The following PRIM2 variants were observed in gnomAD, a reference collection of about 807,000 sequenced individuals.
The protein encoded by PRIM2 is DNA primase subunit 2.
In PRIM2, 39 loss-of-function variants were observed where a neutral mutation model predicts 67.3. The ratio of observed to expected loss-of-function variants is 0.58; its 90% CI spans 0.45 to 0.76. The LOEUF (loss-of-function observed/expected upper bound fraction) is 0.76, where lower values mean the gene tolerates loss of function less well. PRIM2 is among the 30% of genes least tolerant of loss of function. The pLI, the probability that PRIM2 is intolerant of heterozygous loss-of-function variation, is 0.00. For missense variants in PRIM2, 398 were observed against 598.7 expected (o/e 0.66, Z 3.50); for synonymous variants, 143 against 198.7 (o/e 0.72, Z 2.36).
intron 7 of PRIM2, among the ~76,000 whole-genome samples, chr6:57,432,496 C>G (rs1771871160): frequency 6.6e-6 from 1 of 152,066 alleles, no homozygotes; most frequent in African/African-American, 2.4e-5. Context: ...AAAAGAAAAT[C>G]TGTTTGCCTT....
chr6:57,398,635 G>A (rs11752072), intron 7 of PRIM2, among the ~76,000 whole-genome samples: 1 of 152,186 alleles, frequency 6.6e-6, no homozygotes, highest in Admixed American at 6.5e-5. Context: ...GTTTTGGATG[G>A]AGAGTTCTGT....
At chr6:57,248,626 A>C in the PRIM2 span, among the ~76,000 whole-genome samples, 1 of 152,210 alleles carries the variant, frequency 6.6e-6, no homozygotes, top group African/African-American at 2.4e-5. Flanking sequence ...GTAGTGGCCC[A>C]CTACCAGTCT....
At position 57,330,359 on chromosome 6, in the gene PRIM2, T is replaced by G. The variant is rs1367135087; in HGVS notation, c.459+4314T>G. The stretch of plus-strand genomic sequence containing the variant: ...ACCTTGCTGAACTTGTTTTTTTTTT[T>G]TGTTTTTGTTTTTTTGTTTTTTTGT... On this transcript the variant is annotated intron_variant, in intron 5 of 13. Coordinates refer to ENST00000615550, the MANE Select transcript of PRIM2 (RefSeq NM_000947.5). Among the ~76,000 whole-genome samples the G allele has an allele frequency of 6.8e-5, 7 of 103,388 alleles. 1 individual carries two copies. Among genetic ancestry groups the G allele is most frequent in the Admixed American group, 9.5e-5 (1 of 10,542 alleles). The allele number at this position is 103,388 out of a possible 152,430, so 67.8% of individuals were successfully genotyped here.
At chr6:57,457,335 G>A (rs1367640407) in intron 7 of PRIM2, among the ~76,000 whole-genome samples, 23 of 152,322 alleles carry the variant, frequency 1.5e-4, no homozygotes, top group African/African-American at 5.5e-4. Context: ...GGACATTTAA[G>A]TCTGCAGAGG....
intron 8 of PRIM2, among the ~76,000 whole-genome samples, chr6:57,529,325 A>G (rs1289421534): frequency 1.3e-5 from 2 of 152,106 alleles, no homozygotes; most frequent in East Asian, 1.9e-4. Flanking sequence ...AAAAAAAAAA[A>G]CAAAAAACCA....
chr6:57,260,155 G>A, the PRIM2 span, among the ~76,000 whole-genome samples: 1 of 152,182 alleles, frequency 6.6e-6, no homozygotes, highest in Admixed American at 6.5e-5. Context: ...GTATAGGAAA[G>A]AATCAAAACC....
chr6:57,409,326 C>T (rs1466395583), intron 7 of PRIM2, among the ~76,000 whole-genome samples: 1 of 152,096 alleles, frequency 6.6e-6, no homozygotes, highest in African/African-American at 2.4e-5. Context: ...CAGGTGCCCA[C>T]CACCGCACCG....
chr6:57,482,837 A>C (rs1276634049), intron 7 of PRIM2, among the ~76,000 whole-genome samples: 1 of 152,188 alleles, frequency 6.6e-6, no homozygotes, highest in Admixed American at 6.5e-5. Flanking sequence ...TCTACCAAAC[A>C]CAAGGATTTT....
At chr6:57,281,895 G>C in the PRIM2 span, among the ~76,000 whole-genome samples, 1 of 152,096 alleles carries the variant, frequency 6.6e-6, no homozygotes, top group Non-Finnish European at 1.5e-5. Context: ...TTAACCCTAA[G>C]TCTGATCCAG....
At chr6:57,365,161 G>A (rs1769317015) in intron 5 of PRIM2, among the ~76,000 whole-genome samples, 1 of 149,386 alleles carries the variant, frequency 6.7e-6, no homozygotes, top group Non-Finnish European at 1.5e-5. Flanking sequence ...CAAATTAATA[G>A]AGAAGTATTA....
chr6:57,356,975 C>G (rs1769049869), intron 5 of PRIM2, among the ~76,000 whole-genome samples: 1 of 149,196 alleles, frequency 6.7e-6, no homozygotes, highest in Admixed American at 6.7e-5. Context: ...GCTCTGTTGC[C>G]CAGGCTGGAG....
intron 12 of PRIM2, among the ~76,000 whole-genome samples, chr6:57,627,945 G>A (rs1315852011): frequency 2.6e-5 from 4 of 152,152 alleles, no homozygotes; most frequent in Non-Finnish European, 5.9e-5. Flanking sequence ...TCTGGCCCCA[G>A]CATCAGAATG....
chr6:57,331,201 A>T (rs559724867), intron 5 of PRIM2, among the ~76,000 whole-genome samples: 1 of 152,178 alleles, frequency 6.6e-6, no homozygotes, highest in African/African-American at 2.4e-5. Context: ...AAAAAAAAAA[A>T]AAAAGTTCTG....
At chr6:57,480,758 A>T (rs1308339053) in intron 7 of PRIM2, among the ~76,000 whole-genome samples, 1 of 152,064 alleles carries the variant, frequency 6.6e-6, no homozygotes, top group Non-Finnish European at 1.5e-5. Flanking sequence ...CCTCCCGAGT[A>T]GCTGGTACTA....
chr6:57,382,330 GT>G (rs1290940954), intron 7 of PRIM2, 162 bp downstream of exon 7: 4 of 767,764 alleles, frequency 5.2e-6, no homozygotes, highest in East Asian at 6.1e-5. Context: ...AAATTCCTAG[GT>G]TTTTATTTGT....
chr6:57,412,025 A>G (rs1188598791), intron 7 of PRIM2, among the ~76,000 whole-genome samples: 2 of 150,802 alleles, frequency 1.3e-5, no homozygotes, highest in Non-Finnish European at 1.5e-5. Flanking sequence ...AATATTTTTA[A>G]TATTAAGATT....
chr6:57,386,405 G>C (rs59235535), intron 7 of PRIM2, among the ~76,000 whole-genome samples: 2,490 of 111,872 alleles, frequency 0.022, 80 homozygotes, highest in African/African-American at 0.082. Context: ...GCGACAGAGT[G>C]ATACCCTGTC....
rs1382250599 is a variant in PRIM2 at position 57,465,106 on chromosome 6, G to C, written c.694-42281G>C. Among the ~76,000 whole-genome samples the C allele has an allele frequency of 1.1e-3, 164 of 152,306 alleles. 1 individual carries two copies. Among genetic ancestry groups the C allele is most frequent in the African/African-American group, 3.8e-3 (157 of 41,558 alleles). ...AATTTCATGTAGGTCCACCACTACA[G>C]TAAGAGTGTAGTGGATATCTTATCA... On this transcript the variant is annotated intron_variant, in intron 7 of 13. Transcript: ENST00000615550.
rs530935874 is a variant in PRIM2, at chr6:57,384,055, A to G, written c.693+1887A>G. 2.8e-4 allele frequency among the ~76,000 whole-genome samples: 43 copies of G among 152,296 alleles called. 1 individual carries two copies. The highest frequency in any genetic ancestry group is 2.3e-3 in the South Asian group (11 of 4,824). On this transcript the variant is annotated intron_variant, in intron 7 of 13. Coordinates refer to ENST00000615550, the MANE Select transcript of PRIM2 (RefSeq NM_000947.5). ...ATGGACTTCAGACATAGCTTGCCCA[A>G]TGTTTCACCCCTTTCTCTGAATATG...
Sources: allele counts gnomAD v4.1 joint callset (sites outside exome capture counted in the v4.1 genomes callset), GRCh38; gene constraint gnomAD v4.1.1; transcripts MANE v1.5; gene names NCBI Gene and HGNC (gene_info 2026-07-23, HGNC 2026-07-21).